TCIRG1: variants seen among roughly 807,000 people sequenced by gnomAD.
TCIRG1 encodes the protein T cell immune regulator 1, ATPase H+ transporting V0 subunit a3, also known as V-type proton ATPase 116 kDa subunit a 3.
TCIRG1 carries 86 observed loss-of-function variants against 95.5 expected under a neutral mutation model. The ratio of observed to expected loss-of-function variants is 0.90; its 90% confidence interval spans 0.76 to 1.08. TCIRG1 has a LOEUF of 1.08. TCIRG1 is among the 50% of genes least tolerant of loss of function. The probability of loss-of-function intolerance (pLI) is 0.00; values close to 1 mark genes in which losing one functional copy is unlikely to be tolerated. For synonymous variants in TCIRG1, 499 were observed against 501.3 expected (o/e 1.00, Z 0.06); for missense variants, 1,069 against 1,140.2 (o/e 0.94, Z 0.90).
At chr11:68,045,867 C>CA (rs1315510847) in intron 10 of TCIRG1, among the ~76,000 whole-genome samples, 8 of 152,246 alleles carry the variant, frequency 5.3e-5, no homozygotes, top group African/African-American at 1.9e-4. Context: ...CCCTCCCTGT[C>CA]CTGTGACCAA....
chr11:68,044,207 C>G lies in TCIRG1; in HGVS notation c.883C>G (p.Gln295Glu), dbSNP rs774767504. The change falls in exon 9 of 20, where the codon CAG becomes GAG. Residue 295 changes from glutamine to glutamate, a missense_variant. Coordinates refer to ENST00000265686, the MANE Select transcript of TCIRG1 (RefSeq NM_006019.4). ...VLQLLPPGQV[Q>E]VHKMKAVYLA... ...GCAGCTGCTGCCGCCAGGGCAGGTG[C>G]AGGTCCACAAGATGAAGGCCGTGTA... is the stretch of plus-strand genomic sequence containing the variant. 8.3e-6 allele frequency: 13 copies of G among 1,567,848 alleles called. No individual in the cohort carries two copies. In the Admixed American group the frequency reaches 2.5e-4, roughly 30 times the overall value.
At chr11:68,053,734 A>C (rs936131572), downstream of TCIRG1, 18 of 414,260 alleles carry the variant, frequency 4.3e-5, no homozygotes, top group Middle Eastern at 6.2e-4. Context: ...GATTAAAAGG[A>C]TTCAGAGATG....
chr11:68,049,919 C>G (rs1323361945), intron 16 of TCIRG1, 43 bp from the exon 17 acceptor site: 2 of 1,575,238 alleles, frequency 1.3e-6, no homozygotes, highest in African/African-American at 1.3e-5. Flanking sequence ...TGGGGGACCT[C>G]CTGGGGCTGG....
intron 5 of TCIRG1, 99 bp from the exon 6 acceptor site, chr11:68,043,272 G>A (rs1253221017): frequency 2.7e-6 from 4 of 1,493,860 alleles, no homozygotes; most frequent in Non-Finnish European, 3.6e-6. Flanking sequence ...GTGCCCAATT[G>A]CCCGATTGCC....
intron 8 of TCIRG1, 102 bp from the exon 9 acceptor site, chr11:68,044,030 C>T: frequency 7.7e-7 from 1 of 1,299,370 alleles, no homozygotes; most frequent in Middle Eastern, 2.6e-4. Context: ...GAGGTGGGTG[C>T]CCTGGCCTGG....
chr11:68,041,186 T>G, intron 1 of TCIRG1, 82 bp from the exon 2 acceptor site: 3 of 912,450 alleles, frequency 3.3e-6, no homozygotes, highest in Non-Finnish European at 5.5e-6. Flanking sequence ...CAGGATTCAG[T>G]GAGTGAAGGT....
At chr11:68,044,871 T>C (rs777844629) in intron 9 of TCIRG1, 87 bp from the exon 10 acceptor site, 4 of 1,565,470 alleles carry the variant, frequency 2.6e-6, no homozygotes, top group African/African-American at 1.3e-5. Context: ...CACAGGGCTC[T>C]ACATCTCCAG....
Position 68,043,862 on chromosome 11 carries a change from C to G in TCIRG1, c.762C>G (p.Leu254=), listed in dbSNP as rs373533170. 1 of 1,569,324 alleles carries G rather than the reference C, an allele frequency of 6.4e-7. No individual in the cohort carries two copies. The highest frequency in any genetic ancestry group is 8.6e-7 in the Non-Finnish European group (1 of 1,158,124). The change falls in exon 8 of 20, where the codon CTC becomes CTG. Residue 254 remains leucine (L), a synonymous_variant. Transcript: ENST00000265686. ...TTCTGCAGCAGGAGGAGGCCCGCCT[C>G]GGGGCCCTGCAGCAGCTGCAACAGC... ...FPFLQQEEAR[L]GALQQLQQQS...
intron 1 of TCIRG1, among the ~76,000 whole-genome samples, chr11:68,040,737 G>A (rs993743765): frequency 6.6e-6 from 1 of 152,200 alleles, no homozygotes; most frequent in Non-Finnish European, 1.5e-5. Flanking sequence ...GGCTGCTGCC[G>A]GGCGGCCCGG....
At chr11:68,049,941 C>G in intron 16 of TCIRG1, 21 bp from the exon 17 acceptor site, 3 of 1,599,926 alleles carry the variant, frequency 1.9e-6, no homozygotes, top group Non-Finnish European at 8.5e-7. Context: ...GTGCTGCCAA[C>G]ACTGCCTGCT....
At chr11:68,041,459 G>GGGC in intron 2 of TCIRG1, 71 bp downstream of exon 2, 1 of 1,158,476 alleles carries the variant, frequency 8.6e-7, no homozygotes, top group Non-Finnish European at 1.3e-6. Context: ...CCAGGATGGG[G>GGGC]ACTGCCCCCC....
At chr11:68,046,987 A>G in intron 10 of TCIRG1, 1 of 438,544 alleles carries the variant, frequency 2.3e-6, no homozygotes, top group Non-Finnish European at 4.5e-6. Flanking sequence ...AAGGTCACAC[A>G]GCTCCTAAGT....
chr11:68,050,354 C>T, intron 18 of TCIRG1, 100 bp downstream of exon 18: 2 of 1,599,874 alleles, frequency 1.3e-6, no homozygotes, highest in Non-Finnish European at 8.5e-7. Flanking sequence ...AGTTTCCCCT[C>T]TGTAAAGTGG....
At chr11:68,044,847 G>A (rs765644958) in intron 9 of TCIRG1, 111 bp from the exon 10 acceptor site, 3 of 1,372,394 alleles carry the variant, frequency 2.2e-6, no homozygotes, top group Middle Eastern at 1.9e-4. Context: ...GGAAGGGGCT[G>A]CCCAGTGAGC....
chr11:68,040,487 C>T (rs1016083330), intron 1 of TCIRG1, among the ~76,000 whole-genome samples: 3 of 152,194 alleles, frequency 2.0e-5, no homozygotes, highest in African/African-American at 4.8e-5. Flanking sequence ...GCTGGGCAGG[C>T]GGGGCCCTGA....
At position 68,049,184 on chromosome 11, in the gene TCIRG1, C is replaced by T; in HGVS notation, c.1777C>T (p.Leu593=). The change falls in exon 15 of 20, where the codon CTG becomes TTG. Residue 593 remains leucine (L), a synonymous_variant. Transcript: ENST00000265686. ...CGTGTTCCTAGTCATCTACAAGTGG[C>T]TGTGTGTCTGGGCTGCCAGGGCCGC... ...YLVFLVIYKW[L]CVWAARAASA... is the part of the protein sequence containing the mutation. The T allele has an allele frequency of 1.9e-6, 3 of 1,613,992 alleles. No individual in the cohort carries two copies. The highest frequency in any genetic ancestry group is 1.1e-5 in the South Asian group (1 of 91,092).
intron 10 of TCIRG1, chr11:68,046,914 C>A: frequency 2.2e-6 from 1 of 455,682 alleles, no homozygotes; most frequent in South Asian, 1.5e-5. Context: ...ATGAAGTGGT[C>A]TGGTGTTACC....
Position 68,049,237 on chromosome 11 carries a change from C to T in TCIRG1, c.1830C>T (p.Phe610=). The change falls in exon 15 of 20, where the codon TTC becomes TTT. Residue 610 remains phenylalanine, a synonymous_variant. Coordinates refer to ENST00000265686, the MANE Select transcript of TCIRG1 (RefSeq NM_006019.4). Reference sequence around the variant, plus strand: ...CGGCCCCCAGCATCCTCATCCACTTCATCAACATGTTCCTCTTCTCCCACA... The same window carrying T: ...CGGCCCCCAGCATCCTCATCCACTTTATCAACATGTTCCTCTTCTCCCACA... ...AASAPSILIH[F]INMFLFSHSP... is the part of the protein sequence containing the mutation. 1.2e-6 allele frequency: 2 copies of T among 1,613,852 alleles called. No individual in the cohort carries two copies. The highest frequency in any genetic ancestry group is 1.7e-6 in the Non-Finnish European group (2 of 1,180,000).
At chr11:68,050,458 T>A in intron 18 of TCIRG1, 29 bp from the exon 19 acceptor site, 1 of 1,611,938 alleles carries the variant, frequency 6.2e-7, no homozygotes, top group Non-Finnish European at 8.5e-7. Context: ...CCACTTGCCG[T>A]TGGCCCCCAC....
Sources: gnomAD v4.1 joint callset for allele counts (sites outside exome capture counted in the v4.1 genomes callset) on GRCh38, gnomAD v4.1.1 for gene constraint, MANE v1.5 for transcripts, NCBI Gene and HGNC (gene_info 2026-07-23, HGNC 2026-07-21) for gene names.